ENTPD5: variants seen among roughly 807,000 people sequenced by gnomAD.
The protein encoded by ENTPD5 is ectonucleoside triphosphate diphosphohydrolase 5 (inactive), also known as nucleoside diphosphate phosphatase ENTPD5.
In ENTPD5, 49 loss-of-function variants were observed where a neutral mutation model predicts 60.2. The ratio of observed to expected loss-of-function variants is 0.81; its 90% confidence interval spans 0.65 to 1.03. The LOEUF (loss-of-function observed/expected upper bound fraction) is 1.03, where lower values mean the gene tolerates loss of function less well. Among genes scored for constraint, ENTPD5 ranks in the 50% least tolerant of loss-of-function variants. ENTPD5 has a pLI of 0.00. For missense variants in ENTPD5, 480 were observed against 507.6 expected (o/e 0.95, Z 0.52); for synonymous variants, 187 against 185.4 (o/e 1.01, Z -0.07).
chr14:73,987,906 G>T lies in ENTPD5; in HGVS notation c.197C>A (p.Thr66Asn), dbSNP rs1197015852. ...GSTGTRIHVY[T>N]FVQKMPGQLP... ...CTTACCTGGCATTTTCTGCACAAAG[G>T]TGTAAACATGAATTCGAGTTCCAGT... The change falls in exon 4 of 16, where the codon ACC (threonine) becomes AAC (asparagine). Residue 66 changes from threonine to asparagine, a missense_variant. Coordinates refer to ENST00000334696, the MANE Select transcript of ENTPD5 (RefSeq NM_001249.5). 1 of 1,614,078 alleles carries T rather than the reference G, an allele frequency of 6.2e-7. No homozygotes were observed. Among genetic ancestry groups the T allele is most frequent in the South Asian group, 1.1e-5 (1 of 91,068 alleles).
downstream of ENTPD5, chr14:73,959,250 C>T (rs1310130563): frequency 1.1e-5 from 17 of 1,614,220 alleles, no homozygotes; most frequent in Non-Finnish European, 1.4e-5. Flanking sequence ...GACCAGTCCG[C>T]CCACATGCAT....
At chr14:73,959,810 T>C, downstream of ENTPD5, 3 of 1,277,358 alleles carry the variant, frequency 2.3e-6, no homozygotes, top group Non-Finnish European at 3.0e-6. Context: ...CCTCAAGTGA[T>C]CTGCCTGCCT....
intron 3 of ENTPD5, among the ~76,000 whole-genome samples, chr14:74,006,548 G>A (rs2058684738): frequency 6.6e-6 from 1 of 151,260 alleles, no homozygotes; most frequent in Admixed American, 6.6e-5. Context: ...CTCCCAAAGT[G>A]CTGATATTAC....
chr14:73,959,581 G>GTTTTT, downstream of ENTPD5: 1 of 1,404,958 alleles, frequency 7.1e-7, no homozygotes, highest in Admixed American at 1.9e-5. Flanking sequence ...GAAAGGTGTT[G>GTTTTT]TTTTTTTTTT....
Position 73,987,967 on chromosome 14 carries a change from T to C in ENTPD5, c.136A>G (p.Ser46Gly). The change falls in exon 4 of 16, where the codon AGC (serine) becomes GGC (glycine). Residue 46 changes from serine (S) to glycine (G), a missense_variant. Physicochemically the swap from Ser to Gly is moderately conservative, Grantham distance 56 (BLOSUM62 0). Coordinates refer to ENST00000334696, the MANE Select transcript of ENTPD5 (RefSeq NM_001249.5). ...SSMCPINVSA[S>G]TLYGIMFDAG... ...TCAAACATAATTCCATACAAGGTGC[T>C]GGCGCTGACATTGATGGGGCACATG... The C allele has an allele frequency of 6.2e-7, 1 of 1,614,182 alleles. No homozygotes were observed. The highest frequency in any genetic ancestry group is 1.1e-5 in the South Asian group (1 of 91,080).
rs1566697323 is a variant in ENTPD5 at position 73,963,390 on chromosome 14, CGATGCATTTTTGT to C, written c.*3525_*3537del. The stretch of plus-strand genomic sequence containing the variant: ...TTTTGATAGAGGTAAGAATTAGACT[CGATGCATTTTTGT>C]TAGAATTGCTGTTTAAATGTTAACA... On this transcript the variant is annotated 3_prime_UTR_variant, in exon 16 of 16. Transcript: ENST00000334696. 2.3e-5 allele frequency: 7 copies of C among 301,536 alleles called. No homozygotes were observed. The highest frequency in any genetic ancestry group is 9.3e-5 in the Admixed American group (2 of 21,412). The allele number at this position is 301,536 out of a possible 1,614,324, so 18.7% of individuals were successfully genotyped here.
downstream of ENTPD5, among the ~76,000 whole-genome samples, chr14:73,957,242 C>T (rs1026496767): frequency 2.6e-5 from 4 of 151,878 alleles, no homozygotes; most frequent in Non-Finnish European, 4.4e-5. Flanking sequence ...GGACTATAGG[C>T]GCCTGCCACC....
At chr14:74,004,208 C>G (rs1423072635) in intron 3 of ENTPD5, among the ~76,000 whole-genome samples, 3 of 152,058 alleles carry the variant, frequency 2.0e-5, no homozygotes, top group Non-Finnish European at 4.4e-5. Context: ...CCCTCTATTG[C>G]CCAGGTTGCA....
At chr14:73,968,244 A>G (rs1304126860) in intron 15 of ENTPD5, among the ~76,000 whole-genome samples, 1 of 152,210 alleles carries the variant, frequency 6.6e-6, no homozygotes, top group Non-Finnish European at 1.5e-5. Context: ...CCTCAACTAT[A>G]TAAGAAGAGG....
intron 15 of ENTPD5, among the ~76,000 whole-genome samples, chr14:73,968,669 G>A (rs888836046): frequency 6.6e-5 from 10 of 151,912 alleles, no homozygotes; most frequent in South Asian, 6.3e-4. Context: ...CAGGTGATCC[G>A]CCCGCCTCAG....
intron 3 of ENTPD5, among the ~76,000 whole-genome samples, chr14:73,990,102 T>A (rs796713442): frequency 2.6e-5 from 4 of 151,900 alleles, no homozygotes; most frequent in Admixed American, 6.6e-5. Flanking sequence ...GGAAGACCAC[T>A]TGAGTCCAGG....
chr14:73,959,594 T>TG, downstream of ENTPD5: 1 of 1,606,300 alleles, frequency 6.2e-7, no homozygotes, highest in South Asian at 1.1e-5. Context: ...TTTTTTTTTT[T>TG]GAAACGGATC....
At chr14:73,988,982 C>T (rs1430440898) in intron 3 of ENTPD5, among the ~76,000 whole-genome samples, 1 of 152,080 alleles carries the variant, frequency 6.6e-6, no homozygotes, top group East Asian at 1.9e-4. Context: ...CACCACCATG[C>T]CCAGCTAATT....
intron 1 of ENTPD5, among the ~76,000 whole-genome samples, chr14:74,016,781 T>C (rs2059028499): frequency 6.6e-6 from 1 of 152,236 alleles, no homozygotes; most frequent in South Asian, 2.1e-4. Context: ...TGAGGAGTCT[T>C]GGACTGACTT....
chr14:73,992,080 G>T (rs569362425), intron 3 of ENTPD5, among the ~76,000 whole-genome samples: 1 of 151,492 alleles, frequency 6.6e-6, no homozygotes, highest in Non-Finnish European at 1.5e-5. Flanking sequence ...ATTTTCTTCC[G>T]GTATTAATGA....
chr14:73,989,762 G>A (rs898027807), intron 3 of ENTPD5, among the ~76,000 whole-genome samples: 4 of 148,972 alleles, frequency 2.7e-5, no homozygotes, highest in African/African-American at 5.0e-5. Context: ...GAACCCGGGA[G>A]GCAGAGGTTG....
chr14:73,955,510 G>C (rs1228904042), downstream of ENTPD5: 2 of 1,613,666 alleles, frequency 1.2e-6, no homozygotes, highest in Non-Finnish European at 1.7e-6. Flanking sequence ...GCGAATGCAG[G>C]TGCCCCTTTA....
chr14:73,989,837 A>AAG (rs1268426668), intron 3 of ENTPD5, among the ~76,000 whole-genome samples: 1 of 147,652 alleles, frequency 6.8e-6, no homozygotes, highest in East Asian at 2.0e-4. Flanking sequence ...AGTCTCAAAA[A>AAG]AAAAAAAAAA....
chr14:74,012,291 A>AG (rs78774733), intron 2 of ENTPD5, among the ~76,000 whole-genome samples: 2,086 of 148,542 alleles, frequency 0.014, 32 homozygotes, highest in African/African-American at 0.041. Flanking sequence ...TTTAGTAGAG[A>AG]GGGGGGGGTT....
Sources: gnomAD v4.1 joint callset for allele counts (sites outside exome capture counted in the v4.1 genomes callset) on GRCh38, gnomAD v4.1.1 for gene constraint, MANE v1.5 for transcripts, NCBI Gene and HGNC (gene_info 2026-07-23, HGNC 2026-07-21) for gene names.